Variants in RBFOX1 observed in about 807,000 individuals in gnomAD.
The protein encoded by RBFOX1 is RNA binding protein fox-1 homolog 1.
RBFOX1 carries 8 observed loss-of-function variants against 57.7 expected under a neutral mutation model. The observed-to-expected ratio is 0.14, with a 90% CI of 0.08 to 0.25. The LOEUF is 0.25. Among genes scored for constraint, RBFOX1 ranks in the 10% least tolerant of loss-of-function variants. The pLI is 1.00. For synonymous variants in RBFOX1, 326 were observed against 222.4 expected (o/e 1.47, Z -4.15); for missense variants, 611 against 548.5 (o/e 1.11, Z -1.14).
At chr16:5,690,483 G>A (rs1024924578) in intron 3 of RBFOX1, among the ~76,000 whole-genome samples, 4 of 152,098 alleles carry the variant, frequency 2.6e-5, no homozygotes, top group African/African-American at 4.8e-5. Flanking sequence ...AATACTGCCC[G>A]TAACGCTCTT....
chr16:7,026,215 A>C (rs1429600516), intron 3 of RBFOX1, among the ~76,000 whole-genome samples: 1 of 152,176 alleles, frequency 6.6e-6, no homozygotes, highest in African/African-American at 2.4e-5. Context: ...CGTCTCTTCT[A>C]GGAAGGCAAG....
intron 1 of RBFOX1, among the ~76,000 whole-genome samples, chr16:6,058,615 C>T (rs1463002684): frequency 6.6e-6 from 1 of 151,362 alleles, no homozygotes; most frequent in Non-Finnish European, 1.5e-5. Flanking sequence ...CCCATCCATC[C>T]ACCCATCCAT....
chr16:5,526,157 C>G (rs1239484744), intron 2 of RBFOX1, among the ~76,000 whole-genome samples: 1 of 152,180 alleles, frequency 6.6e-6, no homozygotes, highest in Non-Finnish European at 1.5e-5. Context: ...CTTTGCTTCT[C>G]TCTTCCCTGA....
At position 7,012,221 on chromosome 16, in the gene RBFOX1, C is replaced by T. The variant is rs146922676; in HGVS notation, c.-15-39836C>T. On this transcript the variant is annotated intron_variant, in intron 3 of 15. Transcript: ENST00000550418. The stretch of plus-strand genomic sequence containing the variant: ...CTTGCGGGTGTTTTTGTTCAACTTG[C>T]TTAACTCATAACATCAGCAAGATGA... Among the ~76,000 whole-genome samples the T allele has an allele frequency of 7.7e-3, 1,170 of 152,226 alleles. 8 individuals carry two copies. The highest frequency in any genetic ancestry group is 9.8e-3 in the Non-Finnish European group (665 of 68,016).
intron 4 of RBFOX1, among the ~76,000 whole-genome samples, chr16:7,261,557 G>C (rs1164758961): frequency 6.6e-6 from 1 of 152,134 alleles, no homozygotes; most frequent in African/African-American, 2.4e-5. Flanking sequence ...CTGAGCTCTT[G>C]CTTCTTCATC....
intron 3 of RBFOX1, among the ~76,000 whole-genome samples, chr16:6,789,786 A>T (rs1216395427): frequency 6.6e-6 from 1 of 152,096 alleles, no homozygotes; most frequent in Non-Finnish European, 1.5e-5. Context: ...TTCTGTTTGA[A>T]TGGTGATCCT....
chr16:5,673,065 G>T (rs1190890889), intron 3 of RBFOX1, among the ~76,000 whole-genome samples: 2 of 152,070 alleles, frequency 1.3e-5, no homozygotes, highest in Non-Finnish European at 2.9e-5. Context: ...CGCTTCCAGC[G>T]GTTTGGAAGT....
chr16:6,915,549 C>G (rs916241992), intron 3 of RBFOX1, among the ~76,000 whole-genome samples: 1 of 112,998 alleles, frequency 8.8e-6, no homozygotes, highest in Non-Finnish European at 1.9e-5. Flanking sequence ...CCCACACCCC[C>G]CTTTTTTTTT....
chr16:7,224,770 T>G (rs1344903457), intron 4 of RBFOX1, among the ~76,000 whole-genome samples: 1 of 152,252 alleles, frequency 6.6e-6, no homozygotes, highest in Non-Finnish European at 1.5e-5. Context: ...TCCAAAGTCC[T>G]CGTTATTCAA....
chr16:5,658,718 A>G (rs1339530404), intron 3 of RBFOX1, among the ~76,000 whole-genome samples: 1 of 133,282 alleles, frequency 7.5e-6, no homozygotes, highest in African/African-American at 3.5e-5. Flanking sequence ...GTATTCCATC[A>G]TACATACATA....
intron 4 of RBFOX1, among the ~76,000 whole-genome samples, chr16:7,204,135 C>T (rs534558148): frequency 2.6e-5 from 4 of 152,360 alleles, no homozygotes; most frequent in African/African-American, 9.6e-5. Context: ...CACAGGGTAT[C>T]TGCAGATACC....
intron 3 of RBFOX1, among the ~76,000 whole-genome samples, chr16:6,931,914 G>A (rs955832669): frequency 6.6e-6 from 1 of 152,140 alleles, no homozygotes; most frequent in Admixed American, 6.5e-5. Context: ...AGAGGGAGGA[G>A]GCGAGGAGTA....
intron 3 of RBFOX1, among the ~76,000 whole-genome samples, chr16:6,789,032 C>T (rs757387945): frequency 2.0e-5 from 3 of 152,086 alleles, no homozygotes; most frequent in Admixed American, 6.5e-5. Context: ...GAAGATGGTT[C>T]TCCTGCTGTA....
At chr16:5,729,998 G>A (rs566796568) in intron 3 of RBFOX1, among the ~76,000 whole-genome samples, 4 of 152,238 alleles carry the variant, frequency 2.6e-5, no homozygotes, top group South Asian at 2.1e-4. Flanking sequence ...GTCCATGCCC[G>A]CAAAGGGGGT....
chr16:5,577,768 C>T (rs558679227), intron 2 of RBFOX1, among the ~76,000 whole-genome samples: 3 of 152,236 alleles, frequency 2.0e-5, no homozygotes, highest in Admixed American at 1.3e-4. Flanking sequence ...ACTAAAAAGT[C>T]GTGTTCACAC....
chr16:5,289,406 C>T, intron 1 of RBFOX1: 2 of 319,386 alleles, frequency 6.3e-6, no homozygotes, highest in South Asian at 5.2e-5. Flanking sequence ...GTGCTGCCAT[C>T]ATACCGAGAT....
chr16:6,436,572 ATATTAT>A (rs560778477), intron 2 of RBFOX1, among the ~76,000 whole-genome samples: 1 of 148,122 alleles, frequency 6.8e-6, no homozygotes, highest in Admixed American at 6.8e-5. Flanking sequence ...CCAAGTTGAA[ATATTAT>A]TTTTTCTGGG....
rs111662154 is a variant in RBFOX1 at position 5,376,849 on chromosome 16, G to A, written c.220-90367G>A. On this transcript the variant is annotated intron_variant, in intron 1 of 2. Transcript: ENST00000585867. ...GCCTCAGCCAGTGATGTTGCCCCAT[G>A]GCAGGGGGAGCAGGTTCTGCGTCAT... Among the ~76,000 whole-genome samples the A allele has an allele frequency of 3.1e-3, 469 of 150,494 alleles. 24 individuals carry two copies. Among genetic ancestry groups the A allele is most frequent in the African/African-American group, 0.011 (445 of 40,474 alleles).
At chr16:6,378,883 T>G (rs2091492709) in intron 2 of RBFOX1, among the ~76,000 whole-genome samples, 1 of 152,032 alleles carries the variant, frequency 6.6e-6, no homozygotes, top group Non-Finnish European at 1.5e-5. Context: ...TGGTGAGAGG[T>G]GGGCGGAAAT....
Sources: allele counts gnomAD v4.1 joint callset (sites outside exome capture counted in the v4.1 genomes callset), GRCh38; gene constraint gnomAD v4.1.1; transcripts MANE v1.5; gene names NCBI Gene and HGNC (gene_info 2026-07-23, HGNC 2026-07-21).